ZNF615: variants seen among roughly 807,000 people sequenced by gnomAD.
The protein encoded by ZNF615 is zinc finger protein 615.
In ZNF615, 15 loss-of-function variants were observed where a neutral mutation model predicts 15.3. That is an observed-to-expected ratio of 0.98 (90% CI 0.66 to 1.51). ZNF615 has a LOEUF of 1.51. ZNF615 is among the 40% of genes most tolerant of loss of function. The pLI, the probability that ZNF615 is intolerant of heterozygous loss-of-function variation, is 0.00. For missense variants in ZNF615, 848 were observed against 895.9 expected, an observed-to-expected ratio of 0.95 and a Z score of 0.68; for synonymous variants, 268 against 294.6, an observed-to-expected ratio of 0.91 and a Z score of 0.92.
At chr19:51,998,047 C>A (rs940006957) in intron 6 of ZNF615, among the ~76,000 whole-genome samples, 9 of 152,162 alleles carry the variant, frequency 5.9e-5, no homozygotes, top group Admixed American at 5.2e-4. Context: ...CCTCTCCTCC[C>A]CATTAACGTC....
At chr19:52,006,952 A>G (rs1462232721) in intron 2 of ZNF615, among the ~76,000 whole-genome samples, 2 of 152,166 alleles carry the variant, frequency 1.3e-5, no homozygotes, top group South Asian at 2.1e-4. Context: ...ACACTGCAAT[A>G]AAAGTAATAG....
At chr19:52,001,149 C>A (rs1045060965) in intron 5 of ZNF615, among the ~76,000 whole-genome samples, 28 of 151,874 alleles carry the variant, frequency 1.8e-4, no homozygotes, top group African/African-American at 6.0e-4. Flanking sequence ...GTAATGAGTT[C>A]AAAGGTCTCT....
chr19:52,007,921 G>T, intron 1 of ZNF615: 1 of 540,226 alleles, frequency 1.9e-6, no homozygotes. Flanking sequence ...TGGTCCCAGA[G>T]GTACCCCGAT....
In ZNF615 at chr19:51,991,554, T is replaced by C. The variant is rs1485937008; in HGVS notation, c.*1326A>G. On this transcript the variant is annotated 3_prime_UTR_variant, in exon 7 of 7. Transcript: ENST00000598071. ...CAATACCAAAAGGGTACATGCTGTA[T>C]GATTCCATTTTTATAACATGCTACT... 6.6e-6 allele frequency: 1 copy of C among 152,228 alleles called. No individual in the cohort carries two copies. The highest frequency in any genetic ancestry group is 1.5e-5 in the Non-Finnish European group (1 of 68,038). The allele number at this position is 152,228 out of a possible 1,614,324, so 9.4% of individuals were successfully genotyped here. A position where few individuals can be genotyped will look rare whatever the true frequency, so the allele number is the denominator to read the frequency against.
At chr19:52,007,712 C>A (rs746667781) in intron 1 of ZNF615, among the ~76,000 whole-genome samples, 35 of 152,166 alleles carry the variant, frequency 2.3e-4, no homozygotes, top group Admixed American at 5.9e-4. Context: ...CGTACCTTAA[C>A]CCCCAAGACA....
Position 52,001,840 on chromosome 19 carries a change from C to T in ZNF615, c.211G>A (p.Asp71Asn), listed in dbSNP as rs1415356063. ...GAACAGATTCGAGAGTAGATTTCAT[C>T]TTCTGTTGTGCAAGTTTCTTCTCCT... ...ERGEETCTTE[D>N]EIYSRICSDS... The change falls in exon 5 of 7, where the codon GAT becomes AAT. Residue 71 changes from aspartate (D) to asparagine (N), a missense_variant. Physicochemically the swap from Asp to Asn is conservative, Grantham distance 23. Coordinates refer to ENST00000598071, the MANE Select transcript of ZNF615 (RefSeq NM_001199324.2). The T allele has an allele frequency of 1.2e-6, 2 of 1,613,988 alleles. 1 individual carries two copies. Among genetic ancestry groups the T allele is most frequent in the African/African-American group, 2.7e-5 (2 of 74,918 alleles).
At position 51,992,814 on chromosome 19, in the gene ZNF615, A is replaced by G. The variant is rs777532608; in HGVS notation, c.*66T>C. 1.9e-6 allele frequency: 3 copies of G among 1,542,800 alleles called. No homozygotes were observed. Among genetic ancestry groups the G allele is most frequent in the Non-Finnish European group, 2.6e-6 (3 of 1,138,042 alleles). On this transcript the variant is annotated 3_prime_UTR_variant, in exon 7 of 7. Coordinates refer to ENST00000598071, the MANE Select transcript of ZNF615 (RefSeq NM_001199324.2). Reference sequence around the variant, plus strand: ...ATAAACAACCATGTAGTCTGCATTCATGAAATTACTCTTCTTTGCAGATAT... The same window carrying G: ...ATAAACAACCATGTAGTCTGCATTCGTGAAATTACTCTTCTTTGCAGATAT...
chr19:51,999,939 G>A (rs1014115282), intron 6 of ZNF615, among the ~76,000 whole-genome samples: 39 of 152,134 alleles, frequency 2.6e-4, no homozygotes, highest in African/African-American at 9.4e-4. Context: ...AGGACAGCCT[G>A]CAGCACGATT....
At position 51,993,555 on chromosome 19, in the gene ZNF615, A is replaced by G; in HGVS notation, c.1554T>C (p.Thr518=). Reference sequence around the variant, plus strand: ...CACCACATACATAGGGTTTTTCTCCAGTATGAGTTCGCTGATGCACAATAA... The same window carrying G: ...CACCACATACATAGGGTTTTTCTCCGGTATGAGTTCGCTGATGCACAATAA... ...SRLIVHQRTH[T]GEKPYVCGEC... is the part of the protein sequence containing the mutation. Residue 518 remains threonine, a synonymous_variant, in exon 7 of 7, where the codon ACT becomes ACC. Coordinates refer to ENST00000598071, the MANE Select transcript of ZNF615 (RefSeq NM_001199324.2). The G allele has an allele frequency of 6.2e-7, 1 of 1,613,648 alleles. No homozygotes were observed. Among genetic ancestry groups the G allele is most frequent in the Non-Finnish European group, 8.5e-7 (1 of 1,179,906 alleles).
intron 3 of ZNF615, 116 bp downstream of exon 3, chr19:52,003,581 T>G: frequency 1.1e-6 from 1 of 923,938 alleles, no homozygotes; most frequent in Non-Finnish European, 1.7e-6. Context: ...TTGCCCAGAT[T>G]TCTCCAGGTC....
Position 51,994,269 on chromosome 19 carries a change from G to A in ZNF615, c.840C>T (p.Phe280=), listed in dbSNP as rs764738499. 10 of 1,614,124 alleles carry A rather than the reference G, an allele frequency of 6.2e-6. 1 individual carries two copies. The South Asian group carries it at 8.8e-5, about 14-fold the overall frequency. ...HYECTECDKT[F]LKKSQLNIHQ... ...GTATATTGAGCTGTGATTTCTTGAG[G>A]AAGGTTTTGTCACATTCAGTGCATT... The change falls in exon 7 of 7, where the codon TTC becomes TTT. Residue 280 remains phenylalanine, a synonymous_variant. Coordinates refer to ENST00000598071, the MANE Select transcript of ZNF615 (RefSeq NM_001199324.2).
rs2086305947 is a variant in ZNF615, at chr19:51,993,515, A to G, written c.1594T>C (p.Phe532Leu). ...CCCATTAGCCGGATCTTTGCTGGAA[A>G]GCCTTTTCCACACTCACCACATACA... ...PYVCGECGKG[F>L]PAKIRLMGHQ... The change falls in exon 7 of 7, where the codon TTT (phenylalanine) becomes CTT (leucine). Residue 532 changes from phenylalanine to leucine, a missense_variant. Phe to Leu is a conservative substitution (Grantham distance 22, BLOSUM62 0). Transcript: ENST00000598071. 6.2e-7 allele frequency: 1 copy of G among 1,613,770 alleles called. No individual in the cohort carries two copies. Among genetic ancestry groups the G allele is most frequent in the South Asian group, 1.1e-5 (1 of 91,072 alleles).
chr19:52,003,999 T>G, intron 2 of ZNF615, 99 bp from the exon 3 acceptor site: 1 of 782,320 alleles, frequency 1.3e-6, no homozygotes, highest in Non-Finnish European at 1.7e-6. Flanking sequence ...CAAATATCTC[T>G]CTGTTCTTTT....
intron 1 of ZNF615, 171 bp downstream of exon 1, chr19:52,007,969 TC>T (rs2086803243): frequency 3.2e-6 from 2 of 622,170 alleles, no homozygotes; most frequent in East Asian, 2.8e-5. Context: ...CTCTTGTAGT[TC>T]CCCTGCGATA....
chr19:51,999,856 A>G lies in ZNF615; in HGVS notation c.271+490T>C, dbSNP rs138377918. ...AAAGTAGAGAACTTTAAGAGAGTTC[A>G]GCATGTAGAAAACACTTAAGGTAAT... On this transcript the variant is annotated intron_variant, in intron 6 of 6. Transcript: ENST00000598071. Among the ~76,000 whole-genome samples, 6 of 152,350 alleles carry G rather than the reference A, an allele frequency of 3.9e-5. No homozygotes were observed. In the East Asian group the frequency reaches 1.2e-3, roughly 29 times the overall value.
At position 52,008,151 on chromosome 19, in the gene ZNF615, T is replaced by A. The variant is rs943703747; in HGVS notation, c.-238A>T. The A allele has an allele frequency of 7.2e-6, 11 of 1,535,502 alleles. 1 individual carries two copies. The highest frequency in any genetic ancestry group is 9.6e-6 in the Non-Finnish European group (11 of 1,146,784). Reference sequence around the variant, plus strand: ...AGTGACTGAACTTACTTCCCAGAACTTGGTGGGCTCCGGCCTCATCTCTCG... The same window carrying A: ...AGTGACTGAACTTACTTCCCAGAACATGGTGGGCTCCGGCCTCATCTCTCG... On this transcript the variant is annotated 5_prime_UTR_variant, in exon 1 of 7. In the 5' UTR this introduces an upstream ATG that the reference lacks. Coordinates refer to ENST00000598071, the MANE Select transcript of ZNF615 (RefSeq NM_001199324.2).
Position 51,994,677 on chromosome 19 carries a change from A to T in ZNF615, c.432T>A (p.His144Gln). The T allele has an allele frequency of 6.2e-7, 1 of 1,613,404 alleles. No individual in the cohort carries two copies. Among genetic ancestry groups the T allele is most frequent in the African/African-American group, 1.3e-5 (1 of 75,028 alleles). ...LKQDCDTFDL[H>Q]EKPLKSNLSF... ...TTAAATTTGATTTTAAAGGTTTTTC[A>T]TGTAAGTCAAACGTATCACAATCTT... Residue 144 changes from histidine (H) to glutamine (Q), a missense_variant, in exon 7 of 7, where the codon CAT (histidine) becomes CAA (glutamine). By Grantham distance (24) the His-to-Gln change is conservative. Transcript: ENST00000598071.
chr19:52,002,271 G>T lies in ZNF615; in HGVS notation c.26C>A (p.Thr9Lys), dbSNP rs1251271880. MMQAQESL[T>K]LEDVAVDFTW... ...GAAGTCCACAGCCACATCCTCCAGT[G>T]TTAGGGATTCCTGTAATAACACACT... Residue 9 changes from threonine to lysine, a missense_variant, in exon 4 of 7, where the codon ACA (threonine) becomes AAA (lysine). Thr to Lys is a moderately conservative substitution (Grantham distance 78). Transcript: ENST00000598071. The T allele has an allele frequency of 3.7e-6, 6 of 1,614,058 alleles. No individual in the cohort carries two copies. In the Admixed American group the frequency reaches 1.0e-4, roughly 27 times the overall value.
chr19:52,002,388 G>GT (rs10714016), intron 3 of ZNF615, 107 bp from the exon 4 acceptor site: 2 of 1,511,638 alleles, frequency 1.3e-6, no homozygotes, highest in South Asian at 2.3e-5. Flanking sequence ...AGCTGGTGGG[G>GT]TTTTTTTCTT....
Sources: gnomAD v4.1 joint callset for allele counts (sites outside exome capture counted in the v4.1 genomes callset) on GRCh38, gnomAD v4.1.1 for gene constraint, MANE v1.5 for transcripts, NCBI Gene and HGNC (gene_info 2026-07-23, HGNC 2026-07-21) for gene names.